The following GPC6 variants were observed in gnomAD, a reference collection of about 807,000 sequenced individuals.
GPC6 encodes glypican-6.
In GPC6, 14 loss-of-function variants were observed where a neutral mutation model predicts 55.2. The ratio of observed to expected loss-of-function variants is 0.25; its 90% CI spans 0.17 to 0.40. The LOEUF (loss-of-function observed/expected upper bound fraction) is 0.40. Ranked by LOEUF, GPC6 falls within the 10% of genes least tolerant of loss-of-function variation. GPC6 has a pLI of 1.00. For missense variants in GPC6, 641 were observed against 708.5 expected, an observed-to-expected ratio of 0.90 and a Z score of 1.08; for synonymous variants, 278 against 259.6, an observed-to-expected ratio of 1.07 and a Z score of -0.68.
intron 1 of GPC6, among the ~76,000 whole-genome samples, chr13:93,487,719 A>AT (rs1465186451): frequency 1.3e-5 from 2 of 152,066 alleles, no homozygotes; most frequent in Admixed American, 6.6e-5. Context: ...AAAACATGAT[A>AT]TTTTTCTTTC....
Position 93,966,003 on chromosome 13 carries a change from C to T in GPC6, c.712-61726C>T, listed in dbSNP as rs143492708. On this transcript the variant is annotated intron_variant, in intron 3 of 8. Transcript: ENST00000377047. ...AGCCCAATATCTCCTGCCATGACCACAGGCCAGTTATGAAAGGAAAGACCA... is the reference window on the plus strand; with the variant it reads ...AGCCCAATATCTCCTGCCATGACCATAGGCCAGTTATGAAAGGAAAGACCA... 1.9e-3 allele frequency among the ~76,000 whole-genome samples: 293 copies of T among 152,280 alleles called. 4 individuals carry two copies. Among genetic ancestry groups the T allele is most frequent in the Admixed American group, 4.9e-3 (75 of 15,298 alleles).
At chr13:93,878,878 C>A (rs1874772706) in intron 3 of GPC6, among the ~76,000 whole-genome samples, 2 of 152,106 alleles carry the variant, frequency 1.3e-5, no homozygotes, top group African/African-American at 4.8e-5. Flanking sequence ...CACAAATCGA[C>A]CAAGAGAGGC....
At chr13:93,274,352 A>G (rs1877657218) in intron 1 of GPC6, among the ~76,000 whole-genome samples, 2 of 152,288 alleles carry the variant, frequency 1.3e-5, no homozygotes, top group Middle Eastern at 3.4e-3. Context: ...TCGGAAAGTG[A>G]TATGAATGAT....
At chr13:93,219,198 A>G in the GPC6 span, among the ~76,000 whole-genome samples, 1 of 151,722 alleles carries the variant, frequency 6.6e-6, no homozygotes, top group Non-Finnish European at 1.5e-5. Context: ...AGTTCAAGCA[A>G]TTCTCCTGCC....
At chr13:93,702,655 A>T (rs906922537) in intron 2 of GPC6, among the ~76,000 whole-genome samples, 1 of 152,022 alleles carries the variant, frequency 6.6e-6, no homozygotes, top group Non-Finnish European at 1.5e-5. Flanking sequence ...TTCATCAATT[A>T]TCATAGCTAG....
intron 1 of GPC6, among the ~76,000 whole-genome samples, chr13:93,503,154 G>T (rs918261242): frequency 3.3e-5 from 5 of 150,640 alleles, no homozygotes; most frequent in African/African-American, 9.7e-5. Context: ...ATCAATTCAT[G>T]TACATCATCT....
chr13:93,766,689 A>G (rs1029984961), intron 2 of GPC6, among the ~76,000 whole-genome samples: 1 of 152,180 alleles, frequency 6.6e-6, no homozygotes, highest in Non-Finnish European at 1.5e-5. Flanking sequence ...ATCATTATTT[A>G]TCATTAAATA....
At chr13:93,531,154 G>T (rs903252007) in intron 1 of GPC6, among the ~76,000 whole-genome samples, 3 of 152,040 alleles carry the variant, frequency 2.0e-5, no homozygotes, top group Non-Finnish European at 2.9e-5. Flanking sequence ...TAGTGCAGAG[G>T]TTCCCAAGTA....
chr13:93,875,031 A>G (rs777608359), intron 3 of GPC6, among the ~76,000 whole-genome samples: 18 of 151,924 alleles, frequency 1.2e-4, no homozygotes, highest in Non-Finnish European at 2.5e-4. Flanking sequence ...AAGTTCTCAA[A>G]AGAGAGAGAG....
chr13:94,302,492 C>G (rs1875705223), intron 5 of GPC6, among the ~76,000 whole-genome samples: 1 of 152,176 alleles, frequency 6.6e-6, no homozygotes. Flanking sequence ...CACAAATATT[C>G]AGACACATGT....
intron 2 of GPC6, among the ~76,000 whole-genome samples, chr13:93,808,550 A>T (rs1160335229): frequency 6.6e-6 from 1 of 152,188 alleles, no homozygotes; most frequent in African/African-American, 2.4e-5. Context: ...GAAATATTTC[A>T]TTCAATTTTT....
At chr13:93,592,711 T>C (rs1343034020) in intron 2 of GPC6, among the ~76,000 whole-genome samples, 3 of 151,860 alleles carry the variant, frequency 2.0e-5, no homozygotes, top group Non-Finnish European at 2.9e-5. Flanking sequence ...TAAAGAAACA[T>C]AGAGAAATAT....
chr13:93,368,120 A>T (rs941517913), intron 1 of GPC6, among the ~76,000 whole-genome samples: 26 of 151,968 alleles, frequency 1.7e-4, no homozygotes, highest in African/African-American at 6.3e-4. Context: ...TTTTGTTGCA[A>T]ACACCTCTAT....
intron 4 of GPC6, among the ~76,000 whole-genome samples, chr13:94,125,131 T>C (rs1886760061): frequency 6.6e-6 from 1 of 152,172 alleles, no homozygotes. Flanking sequence ...TAAATTACTT[T>C]TACAAGACAC....
chr13:94,299,148 CT>C (rs1190703647), intron 5 of GPC6, among the ~76,000 whole-genome samples: 17 of 152,162 alleles, frequency 1.1e-4, no homozygotes, highest in African/African-American at 4.1e-4. Context: ...CATCATAGAG[CT>C]TAAATTATTC....
intron 2 of GPC6, among the ~76,000 whole-genome samples, chr13:93,820,800 A>T (rs894098415): frequency 1.3e-5 from 2 of 152,022 alleles, no homozygotes; most frequent in African/African-American, 4.8e-5. Context: ...GTCTCACTTT[A>T]AAATCACTAA....
chr13:94,044,218 A>G (rs554546753), intron 4 of GPC6, among the ~76,000 whole-genome samples: 5 of 151,964 alleles, frequency 3.3e-5, no homozygotes, highest in African/African-American at 9.6e-5. Context: ...TTTTGCACGT[A>G]TAAGTAGATA....
intron 6 of GPC6, among the ~76,000 whole-genome samples, chr13:94,349,791 C>T (rs1878449610): frequency 6.6e-6 from 1 of 152,148 alleles, no homozygotes; most frequent in African/African-American, 2.4e-5. Context: ...ATGGCATTTC[C>T]TTTGTAACTG....
At chr13:94,330,758 C>T (rs530839154) in intron 6 of GPC6, among the ~76,000 whole-genome samples, 23 of 152,150 alleles carry the variant, frequency 1.5e-4, no homozygotes, top group African/African-American at 5.5e-4. Context: ...ATGTTTTTCC[C>T]TGTGTAATCT....
Sources: gnomAD v4.1 joint callset for allele counts (sites outside exome capture counted in the v4.1 genomes callset) on GRCh38, gnomAD v4.1.1 for gene constraint, MANE v1.5 for transcripts, NCBI Gene and HGNC (gene_info 2026-07-23, HGNC 2026-07-21) for gene names.